UTRN: variants seen among roughly 807,000 people sequenced by gnomAD.
UTRN encodes utrophin.
In UTRN, 283 loss-of-function variants were observed where a neutral mutation model predicts 463.9. The ratio of observed to expected loss-of-function variants is 0.61; its 90% CI spans 0.55 to 0.67. UTRN has a LOEUF of 0.67. Among genes scored for constraint, UTRN ranks in the 30% least tolerant of loss-of-function variants. The pLI is 0.00. For synonymous variants in UTRN, 1,442 were observed against 1,431.5 expected (o/e 1.01, Z -0.17); for missense variants, 3,922 against 4,084.3 (o/e 0.96, Z 1.08).
At chr6:144,514,131 T>G in intron 36 of UTRN, 94 bp downstream of exon 36, 1 of 1,497,822 alleles carries the variant, frequency 6.7e-7, no homozygotes, top group Non-Finnish European at 9.1e-7. Context: ...TTAGCTCTCA[T>G]TCCTCCCAAG....
intron 41 of UTRN, among the ~76,000 whole-genome samples, chr6:144,526,451 T>A: frequency 6.6e-6 from 1 of 152,234 alleles, no homozygotes. Context: ...TTGTCTTTTT[T>A]AACTGCTGTT....
chr6:144,631,286 A>C (rs1281191244), intron 51 of UTRN, among the ~76,000 whole-genome samples: 1 of 150,050 alleles, frequency 6.7e-6, no homozygotes, highest in Admixed American at 6.7e-5. Context: ...ATTCTTTTGA[A>C]GATGACTTGG....
At chr6:144,501,402 A>G (rs1475659239) in intron 34 of UTRN, among the ~76,000 whole-genome samples, 1 of 152,190 alleles carries the variant, frequency 6.6e-6, no homozygotes, top group Non-Finnish European at 1.5e-5. Flanking sequence ...GTGTAATACA[A>G]AAAAACAGGA....
chr6:144,757,477 T>A (rs1462104951), intron 57 of UTRN, among the ~76,000 whole-genome samples: 1 of 152,098 alleles, frequency 6.6e-6, no homozygotes, highest in African/African-American at 2.4e-5. Flanking sequence ...ACTCAATAGC[T>A]ACTCCTGTGA....
At chr6:144,724,936 T>C (rs540609922) in intron 53 of UTRN, among the ~76,000 whole-genome samples, 8 of 152,342 alleles carry the variant, frequency 5.3e-5, no homozygotes, top group African/African-American at 1.7e-4. Context: ...TTTTTCTTTT[T>C]CTTCGGTATA....
Position 144,851,151 on chromosome 6 carries a change from G to C in UTRN, c.*154G>C. ...TGTTCTACTGAAAGAGTAAAACACT[G>C]ACTATCCAAAGAGAAATGGATATTT... On this transcript the variant is annotated 3_prime_UTR_variant, in exon 75 of 75. Coordinates refer to ENST00000367545, the MANE Select transcript of UTRN (RefSeq NM_007124.3). The C allele has an allele frequency of 1.1e-5, 10 of 909,282 alleles. No individual in the cohort carries two copies. Among genetic ancestry groups the C allele is most frequent in the Non-Finnish European group, 1.4e-5 (8 of 561,258 alleles). The allele number at this position is 909,282 out of a possible 1,614,324, so 56.3% of individuals were successfully genotyped here.
chr6:144,623,943 G>C, intron 51 of UTRN, among the ~76,000 whole-genome samples: 1 of 152,156 alleles, frequency 6.6e-6, no homozygotes, highest in Non-Finnish European at 1.5e-5. Flanking sequence ...ACAAGTAGAA[G>C]AAAGTAATCA....
At chr6:144,829,335 A>C (rs1403580138) in intron 69 of UTRN, among the ~76,000 whole-genome samples, 1 of 152,078 alleles carries the variant, frequency 6.6e-6, no homozygotes, top group African/African-American at 2.4e-5. Flanking sequence ...TCCTCTGCCA[A>C]TATTTTATTT....
chr6:144,605,100 C>G (rs942570255), intron 51 of UTRN, among the ~76,000 whole-genome samples: 2 of 152,090 alleles, frequency 1.3e-5, no homozygotes, highest in Non-Finnish European at 1.5e-5. Context: ...ATTCTAATTA[C>G]TAATGAACAC....
At chr6:144,540,461 A>T (rs924358709) in intron 45 of UTRN, among the ~76,000 whole-genome samples, 10 of 152,278 alleles carry the variant, frequency 6.6e-5, no homozygotes, top group African/African-American at 2.4e-4. Flanking sequence ...CTGATTGGGA[A>T]TCACTGCCTG....
chr6:144,514,684 A>G lies in UTRN; in HGVS notation c.5108A>G (p.Gln1703Arg). 6.2e-7 allele frequency: 1 copy of G among 1,614,156 alleles called. No homozygotes were observed. The highest frequency in any genetic ancestry group is 1.3e-5 in the African/African-American group (1 of 75,058). ...TCTGAGCTGGATGATGCCAACCTCC[A>G]GGTTGAAAATGTCCGCGATCAAGCC... ...LVSELDDANLQVENVRDQALI... is the reference protein window; with the variant it reads ...LVSELDDANLRVENVRDQALI... The change falls in exon 37 of 75, where the codon CAG becomes CGG. Residue 1703 changes from glutamine to arginine, a missense_variant. Gln to Arg is a conservative substitution (Grantham distance 43). Around this residue, in one of 3 missense-constraint regions of UTRN, gnomAD observed 2,349 missense variants for 2,303.8 expected, o/e 1.02. Coordinates refer to ENST00000367545, the MANE Select transcript of UTRN (RefSeq NM_007124.3).
At chr6:144,813,393 TAGCC>T (rs1321248850) in intron 65 of UTRN, among the ~76,000 whole-genome samples, 1 of 152,012 alleles carries the variant, frequency 6.6e-6, no homozygotes, top group African/African-American at 2.4e-5. Flanking sequence ...TTCACCTTGT[TAGCC>T]AGGATGATCT....
chr6:144,690,936 C>CT (rs1032310238), intron 52 of UTRN, among the ~76,000 whole-genome samples: 1 of 152,134 alleles, frequency 6.6e-6, no homozygotes, highest in Non-Finnish European at 1.5e-5. Context: ...TCTGTGGTGT[C>CT]TGTCAGTTTT....
chr6:144,479,339 A>G (rs1791606878), intron 25 of UTRN, among the ~76,000 whole-genome samples: 1 of 152,000 alleles, frequency 6.6e-6, no homozygotes, highest in East Asian at 1.9e-4. Context: ...TGCTGATCTC[A>G]AACTCCTGAC....
intron 2 of UTRN, among the ~76,000 whole-genome samples, chr6:144,323,486 A>G (rs2114588868): frequency 6.6e-6 from 1 of 152,330 alleles, no homozygotes. Flanking sequence ...ATGTTAGGGG[A>G]TTTTAAACAT....
intron 53 of UTRN, among the ~76,000 whole-genome samples, chr6:144,717,969 T>A (rs1468791834): frequency 6.6e-6 from 1 of 152,034 alleles, no homozygotes; most frequent in African/African-American, 2.4e-5. Context: ...TTTTCATAAT[T>A]AAATAATTTA....
At chr6:144,532,433 G>C (rs1797146570) in intron 42 of UTRN, among the ~76,000 whole-genome samples, 1 of 152,216 alleles carries the variant, frequency 6.6e-6, no homozygotes, top group South Asian at 2.1e-4. Flanking sequence ...CGGCAGGAGA[G>C]AGAAGTGCTG....
At chr6:144,430,130 C>T (rs1350554809) in intron 9 of UTRN, among the ~76,000 whole-genome samples, 1 of 151,804 alleles carries the variant, frequency 6.6e-6, no homozygotes, top group Admixed American at 6.6e-5. Context: ...TCTTTTTTTG[C>T]CATTGAGAAA....
chr6:144,558,805 T>C (rs991972302), intron 50 of UTRN, among the ~76,000 whole-genome samples: 33 of 152,220 alleles, frequency 2.2e-4, no homozygotes, highest in Non-Finnish European at 3.7e-4. Flanking sequence ...TGAGGCCTGC[T>C]TCTGAGCCCT....
Sources: gnomAD v4.1 joint callset for allele counts (sites outside exome capture counted in the v4.1 genomes callset) on GRCh38, gnomAD v4.1.1 for gene constraint, gnomAD v4.1.1 regional missense constraint, MANE v1.5 for transcripts, NCBI Gene and HGNC (gene_info 2026-07-23, HGNC 2026-07-21) for gene names.